ADGRA2: variants seen among roughly 807,000 people sequenced by gnomAD.
The protein encoded by ADGRA2 is G-protein coupled receptor 124.
Under a neutral mutation model 98.7 loss-of-function variants are expected in ADGRA2, and 61 were observed. The observed-to-expected ratio is 0.62, with a 90% CI of 0.50 to 0.76. The LOEUF (loss-of-function observed/expected upper bound fraction) is 0.76, where lower values mean the gene tolerates loss of function less well. Among genes scored for constraint, ADGRA2 ranks in the 30% least tolerant of loss-of-function variants. ADGRA2 has a pLI of 0.00. For synonymous variants in ADGRA2, 858 were observed against 831.5 expected (o/e 1.03, Z -0.55); for missense variants, 1,712 against 1,860.0 (o/e 0.92, Z 1.46).
intron 2 of ADGRA2, among the ~76,000 whole-genome samples, chr8:37,822,608 CTCCTCAT>C (rs1805158729): frequency 1.3e-5 from 2 of 152,180 alleles, no homozygotes. Flanking sequence ...TTAACAGTCA[CTCCTCAT>C]TCCTCCACCC....
chr8:37,828,896 G>C lies in ADGRA2; in HGVS notation c.347G>C (p.Arg116Thr), dbSNP rs1466215650. ...GLSLLEKLDL[R>T]NNIISTVQPG... ...TGCACTTGCCTCTGCAGGGACCTGA[G>C]GAACAACATCATCAGCACAGTGCAG... The change falls in exon 3 of 19, where the codon AGG becomes ACG. Residue 116 changes from arginine to threonine, a missense_variant. Coordinates refer to ENST00000412232, the MANE Select transcript of ADGRA2 (RefSeq NM_032777.10). 3.1e-6 allele frequency: 5 copies of C among 1,600,134 alleles called. No individual in the cohort carries two copies. Among genetic ancestry groups the C allele is most frequent in the Non-Finnish European group, 4.3e-6 (5 of 1,174,342 alleles).
rs1804353185 is a variant in ADGRA2, at chr8:37,797,211, C to G, written c.-58C>G. On this transcript the variant is annotated 5_prime_UTR_variant, in exon 1 of 19. Coordinates refer to ENST00000412232, the MANE Select transcript of ADGRA2 (RefSeq NM_032777.10). The surrounding 1 kb of genome is among the most constrained non-coding windows in gnomAD (Gnocchi z 5.3). Reference sequence around the variant, plus strand: ...GCACTCCTCCCGCACGCCTGGGTCCCTCCGGCCGGCGCGCAGCCCGGCCCC... The same window carrying G: ...GCACTCCTCCCGCACGCCTGGGTCCGTCCGGCCGGCGCGCAGCCCGGCCCC... 13 of 1,190,392 alleles carry G rather than the reference C, an allele frequency of 1.1e-5. No homozygotes were observed. The highest frequency in any genetic ancestry group is 1.4e-5 in the Non-Finnish European group (13 of 960,230). The allele number at this position is 1,190,392 out of a possible 1,614,324, so 73.7% of individuals were successfully genotyped here. A position where few individuals can be genotyped will look rare whatever the true frequency, so the allele number is the denominator to read the frequency against.
chr8:37,833,211 G>A lies in ADGRA2; in HGVS notation c.1296+3G>A. 2 of 1,606,830 alleles carry A rather than the reference G, an allele frequency of 1.2e-6. No individual in the cohort carries two copies. Among genetic ancestry groups the A allele is most frequent in the Non-Finnish European group, 1.7e-6 (2 of 1,176,806 alleles). On this transcript the variant is annotated splice_donor_region_variant and intron_variant, in intron 9 of 18. Transcript: ENST00000412232. ...GGGTGCTGTACACCTTCGTGCTGGT[G>A]AGGAGAGGCTAGGGCACCCCACCAG...
intron 15 of ADGRA2, chr8:37,839,291 TC>T: frequency 2.9e-6 from 2 of 680,552 alleles, no homozygotes; most frequent in Non-Finnish European, 3.6e-6. Context: ...CCCAGGTGGG[TC>T]CACATGACTT....
chr8:37,804,100 G>GACACACACACACACACAC (rs60565183), intron 1 of ADGRA2, among the ~76,000 whole-genome samples: 1,237 of 107,092 alleles, frequency 0.012, 61 homozygotes, highest in East Asian at 0.03. Context: ...CCCACGGTGA[G>GACACACACACACACACAC]ACACACACAC....
At chr8:37,831,388 GT>G in intron 7 of ADGRA2, 34 bp from the exon 8 acceptor site, 1 of 1,601,884 alleles carries the variant, frequency 6.2e-7, no homozygotes, top group Non-Finnish European at 8.5e-7. Flanking sequence ...GGGCCCAAGG[GT>G]GACTCACGAG....
rs181582431 is a variant in ADGRA2, at chr8:37,832,683, A to T, written c.1098-327A>T. ...TAAGATCCCAGTGACCCTCTCTGTTATGCAGGGAAGCTATTATTCTCCCCA... is the reference window on the plus strand; with the variant it reads ...TAAGATCCCAGTGACCCTCTCTGTTTTGCAGGGAAGCTATTATTCTCCCCA... On this transcript the variant is annotated intron_variant, in intron 8 of 18. Coordinates refer to ENST00000412232, the MANE Select transcript of ADGRA2 (RefSeq NM_032777.10). Among the ~76,000 whole-genome samples the T allele has an allele frequency of 1.4e-3, 208 of 152,316 alleles. 4 individuals are homozygous for T. The highest frequency in any genetic ancestry group is 4.8e-3 in the African/African-American group (198 of 41,572).
At position 37,842,505 on chromosome 8, in the gene ADGRA2, T is replaced by C; in HGVS notation, c.*150T>C. On this transcript the variant is annotated 3_prime_UTR_variant, in exon 19 of 19. Transcript: ENST00000412232. Reference sequence around the variant, plus strand: ...CACAGGCGGATGTTCCCCACTTGCCTAGAGGGCATCCCTCTGGGGTAGCGA... The same window carrying C: ...CACAGGCGGATGTTCCCCACTTGCCCAGAGGGCATCCCTCTGGGGTAGCGA... 3.2e-6 allele frequency: 4 copies of C among 1,257,900 alleles called. No homozygotes were observed. Among genetic ancestry groups the C allele is most frequent in the Non-Finnish European group, 4.2e-6 (4 of 961,738 alleles). 77.9% of individuals were successfully genotyped at this position (1,257,900 alleles called of 1,614,324 possible).
At position 37,835,414 on chromosome 8, in the gene ADGRA2, G is replaced by A. The variant is rs2130034178; in HGVS notation, c.1833+16G>A. On this transcript the variant is annotated intron_variant, in intron 12 of 18. Transcript: ENST00000412232. Reference sequence around the variant, plus strand: ...CCACATCAAGGTGGGCGCTGGGGGAGGGAGAGGGGGTGGGAGAAGGGAGGC... The same window carrying A: ...CCACATCAAGGTGGGCGCTGGGGGAAGGAGAGGGGGTGGGAGAAGGGAGGC... 2 of 1,599,790 alleles carry A rather than the reference G, an allele frequency of 1.3e-6. No homozygotes were observed. The highest frequency in any genetic ancestry group is 1.7e-6 in the Non-Finnish European group (2 of 1,172,474).
chr8:37,800,190 G>T (rs548544912), intron 1 of ADGRA2, among the ~76,000 whole-genome samples: 1 of 152,196 alleles, frequency 6.6e-6, no homozygotes, highest in African/African-American at 2.4e-5. Flanking sequence ...CATAACTCAC[G>T]TATTACTGTT....
chr8:37,823,680 G>A (rs936262269), intron 2 of ADGRA2, among the ~76,000 whole-genome samples: 1 of 152,194 alleles, frequency 6.6e-6, no homozygotes, highest in African/African-American at 2.4e-5. Context: ...ATTCCCACCA[G>A]TAATGTGTAA....
chr8:37,830,524 C>T lies in ADGRA2; in HGVS notation c.719-186C>T, dbSNP rs982430578. On this transcript the variant is annotated intron_variant, in intron 6 of 18. Transcript: ENST00000412232. This position sits in a 1 kb window ranked among gnomAD's most constrained non-coding sequence, Gnocchi z 4.8. ...GGAGTACTTTTCTTTGTCCAAAAAC[C>T]GCCTGTCCCTCCCCTTTACCCTTAC... Among the ~76,000 whole-genome samples the T allele has an allele frequency of 2.0e-5, 3 of 152,188 alleles. No individual in the cohort carries two copies. Among genetic ancestry groups the T allele is most frequent in the Admixed American group, 6.5e-5 (1 of 15,288 alleles).
In ADGRA2 at chr8:37,829,250, T is replaced by G. The variant is rs201432325; in HGVS notation, c.411-11T>G. ...GTGGCCAACATGCTGAGGTTGCCTG[T>G]GTCTCTCTAGAGATCTCTCCAACAA... On this transcript the variant is annotated splice_polypyrimidine_tract_variant and intron_variant, in intron 3 of 18. Coordinates refer to ENST00000412232, the MANE Select transcript of ADGRA2 (RefSeq NM_032777.10). The G allele has an allele frequency of 6.2e-7, 1 of 1,611,572 alleles. No individual in the cohort carries two copies. The highest frequency in any genetic ancestry group is 8.5e-7 in the Non-Finnish European group (1 of 1,177,958).
Position 37,839,628 on chromosome 8 carries a change from CAGG to C in ADGRA2, c.2511+9_2511+11del, listed in dbSNP as rs763580972. The C allele has an allele frequency of 2.5e-6, 4 of 1,613,520 alleles. No individual in the cohort carries two copies. The highest frequency in any genetic ancestry group is 1.6e-4 in the Middle Eastern group (1 of 6,080). On this transcript the variant is annotated splice_region_variant and intron_variant, in intron 16 of 18. Coordinates refer to ENST00000412232, the MANE Select transcript of ADGRA2 (RefSeq NM_032777.10). ...ACCAGATGGTCTGCCAGGCGGTAAG[CAGG>C]AGAAGGGGCTCTGGGGGTGGTGCTC... is the stretch of plus-strand genomic sequence containing the variant.
At chr8:37,798,452 G>C (rs1804408108) in intron 1 of ADGRA2, among the ~76,000 whole-genome samples, 1 of 152,196 alleles carries the variant, frequency 6.6e-6, no homozygotes, top group African/African-American at 2.4e-5. Flanking sequence ...CCTCCTACAA[G>C]GGGGTCGCAA....
rs544129672 is a variant in ADGRA2, at chr8:37,797,020, G to T, written c.-249G>T. ...CCCGAGGGCCGGGCGCTGAGACTCC[G>T]GCCGCGCAGCTGGGAGCTGCCCGCG... On this transcript the variant is annotated 5_prime_UTR_variant, in exon 1 of 19. Coordinates refer to ENST00000412232, the MANE Select transcript of ADGRA2 (RefSeq NM_032777.10). This position sits in a 1 kb window ranked among gnomAD's most constrained non-coding sequence, Gnocchi z 5.3. The T allele has an allele frequency of 1.9e-4, 34 of 179,600 alleles. No individual in the cohort carries two copies. The East Asian group carries it at 5.0e-3, about 26-fold the overall frequency. The allele number at this position is 179,600 out of a possible 1,614,324, so 11.1% of individuals were successfully genotyped here. A position where few individuals can be genotyped will look rare whatever the true frequency, so the allele number is the denominator to read the frequency against.
In ADGRA2 at chr8:37,835,313, A is replaced by G. The variant is rs1488653725; in HGVS notation, c.1748A>G (p.Glu583Gly). The G allele has an allele frequency of 6.2e-7, 1 of 1,613,618 alleles. No individual in the cohort carries two copies. Among genetic ancestry groups the G allele is most frequent in the Admixed American group, 1.7e-5 (1 of 60,008 alleles). ...AGCCCTGGCCAGAACCCCCCACCTG[A>G]GCCCGAGCCCCCAGCTGACCAGCAG... is the stretch of plus-strand genomic sequence containing the variant. ...PGSPGQNPPP[E>G]PEPPADQQLR... is the part of the protein sequence containing the mutation. The change falls in exon 12 of 19, where the codon GAG (glutamate) becomes GGG (glycine). Residue 583 changes from glutamate to glycine, a missense_variant. Physicochemically the swap from Glu to Gly is moderately conservative, Grantham distance 98. Transcript: ENST00000412232.
intron 13 of ADGRA2, 34 bp from the exon 14 acceptor site, chr8:37,837,693 CTGTG>C: frequency 6.6e-7 from 1 of 1,510,426 alleles, no homozygotes; most frequent in Non-Finnish European, 9.0e-7. Context: ...CCCTGACACC[CTGTG>C]TGTGTCTGTG....
At position 37,842,539 on chromosome 8, in the gene ADGRA2, C is replaced by T; in HGVS notation, c.*184C>T. ...TCCCTCTGGGGTAGCGACAGACAAT[C>T]CCAGAAACACGCATAATACATTTCC... is the stretch of plus-strand genomic sequence containing the variant. On this transcript the variant is annotated 3_prime_UTR_variant, in exon 19 of 19. Coordinates refer to ENST00000412232, the MANE Select transcript of ADGRA2 (RefSeq NM_032777.10). 1 of 1,013,930 alleles carries T rather than the reference C, an allele frequency of 9.9e-7. No individual in the cohort carries two copies. Among genetic ancestry groups the T allele is most frequent in the Non-Finnish European group, 1.3e-6 (1 of 754,104 alleles). The allele number at this position is 1,013,930 out of a possible 1,614,324, so 62.8% of individuals were successfully genotyped here.
Sources: gnomAD v4.1 joint callset for allele counts (sites outside exome capture counted in the v4.1 genomes callset) on GRCh38, gnomAD v4.1.1 for gene constraint, Gnocchi (gnomAD v3.1) non-coding constraint, MANE v1.5 for transcripts, NCBI Gene and HGNC (gene_info 2026-07-23, HGNC 2026-07-21) for gene names.